The following NDST4 variants were observed in gnomAD, a reference collection of about 807,000 sequenced individuals.
NDST4 encodes the protein N-deacetylase and N-sulfotransferase 4.
In NDST4, 63 loss-of-function variants were observed where a neutral mutation model predicts 100.8. The observed-to-expected ratio is 0.62, with a 90% confidence interval of 0.51 to 0.77. The LOEUF (loss-of-function observed/expected upper bound fraction) is 0.77, where lower values mean the gene tolerates loss of function less well. Among genes scored for constraint, NDST4 ranks in the 30% least tolerant of loss-of-function variants. NDST4 has a pLI of 0.00. For missense variants in NDST4, 943 were observed against 1,018.4 expected (o/e 0.93, Z 1.01); for synonymous variants, 377 against 361.8 (o/e 1.04, Z -0.48).
intron 7 of NDST4, among the ~76,000 whole-genome samples, chr4:114,858,258 C>T (rs1211150071): frequency 6.6e-6 from 1 of 152,196 alleles, no homozygotes; most frequent in African/African-American, 2.4e-5. Context: ...GCATGATTCA[C>T]CTACATCAGG....
chr4:115,050,402 CA>C (rs1728558632), intron 2 of NDST4, among the ~76,000 whole-genome samples: 1 of 141,270 alleles, frequency 7.1e-6, no homozygotes, highest in South Asian at 2.3e-4. Flanking sequence ...GAAAATGAAG[CA>C]TTACACACAC....
At chr4:114,971,089 C>A (rs1353351300) in intron 3 of NDST4, among the ~76,000 whole-genome samples, 2 of 151,804 alleles carry the variant, frequency 1.3e-5, no homozygotes, top group African/African-American at 4.8e-5. Flanking sequence ...TCTTCTAGAG[C>A]TAACCAGTAA....
chr4:115,025,895 T>C (rs1727973452), intron 2 of NDST4, among the ~76,000 whole-genome samples: 1 of 152,154 alleles, frequency 6.6e-6, no homozygotes, highest in Non-Finnish European at 1.5e-5. Flanking sequence ...TGGAATCATT[T>C]CCTTAAGTAA....
chr4:114,877,161 C>T (rs1724272976), intron 6 of NDST4, among the ~76,000 whole-genome samples: 1 of 152,130 alleles, frequency 6.6e-6, no homozygotes, highest in African/African-American at 2.4e-5. Flanking sequence ...TCTCCCAGAA[C>T]TTTGGCTACA....
chr4:114,841,568 T>G (rs1017238695), intron 10 of NDST4, among the ~76,000 whole-genome samples: 5 of 152,178 alleles, frequency 3.3e-5, no homozygotes, highest in Admixed American at 3.3e-4. Flanking sequence ...ACTGGTTTAA[T>G]CTATGTGGAA....
At position 115,008,235 on chromosome 4, in the gene NDST4, G is replaced by T. The variant is rs1311283953; in HGVS notation, c.979-30961C>A. The stretch of plus-strand genomic sequence containing the variant: ...AGTTAATACTGTTATGTGTGAATTT[G>T]ATCCTGTCATTATGATGTTAGCTGG... On this transcript the variant is annotated intron_variant, in intron 2 of 13. Transcript: ENST00000264363. Among the ~76,000 whole-genome samples, 2 of 129,554 alleles carry T rather than the reference G, an allele frequency of 1.5e-5. 1 individual carries two copies. The highest frequency in any genetic ancestry group is 5.9e-5 in the African/African-American group (2 of 34,154). The allele number at this position is 129,554 out of a possible 152,430, so 85.0% of individuals were successfully genotyped here.
chr4:115,096,521 A>AAACACTTAT (rs1484187166), intron 1 of NDST4, among the ~76,000 whole-genome samples: 1 of 152,012 alleles, frequency 6.6e-6, no homozygotes, highest in Non-Finnish European at 1.5e-5. Flanking sequence ...ATAAGCACTC[A>AAACACTTAT]AACACTTATT....
At chr4:114,867,664 G>GGA (rs1491405935) in intron 7 of NDST4, among the ~76,000 whole-genome samples, 1 of 26,084 alleles carries the variant, frequency 3.8e-5, no homozygotes, top group Non-Finnish European at 9.7e-5. Flanking sequence ...AAAAAAAAAA[G>GGA]CAAAAAAAAA....
rs1560591352 is a variant in NDST4 at position 115,076,501 on chromosome 4, C to A, written c.536G>T (p.Gly179Val). Residue 179 changes from glycine (G) to valine (V), a missense_variant, in exon 2 of 14, where the codon GGC (glycine) becomes GTC (valine). By Grantham distance (109) the Gly-to-Val change is moderately radical. Around this residue, in one of 2 missense-constraint regions of NDST4, gnomAD observed 417 missense variants for 384.2 expected, o/e 1.09. Coordinates refer to ENST00000264363, the MANE Select transcript of NDST4 (RefSeq NM_022569.3). ...ENSLPSTQLKGFPLNLFNNLA... is the reference protein window; with the variant it reads ...ENSLPSTQLKVFPLNLFNNLA... ...ATTATTGAAAAGGTTTAACGGAAAG[C>A]CTTTTAATTGTGTACTTGGTAAGCT... 1 of 1,613,926 alleles carries A rather than the reference C, an allele frequency of 6.2e-7. No individual in the cohort carries two copies. Among genetic ancestry groups the A allele is most frequent in the Non-Finnish European group, 8.5e-7 (1 of 1,179,934 alleles).
rs368610216 is a variant in NDST4 at position 115,041,227 on chromosome 4, T to A, written c.978+34832A>T. On this transcript the variant is annotated intron_variant, in intron 2 of 13. Transcript: ENST00000264363. Reference sequence around the variant, plus strand: ...ACTCCCTTTTTTGAAGCAGACTTACTTAAATATTGAAACTGAATCTAATCT... The same window carrying A: ...ACTCCCTTTTTTGAAGCAGACTTACATAAATATTGAAACTGAATCTAATCT... Among the ~76,000 whole-genome samples, 42 of 152,068 alleles carry A rather than the reference T, an allele frequency of 2.8e-4. 4 individuals are homozygous for A. The highest frequency in any genetic ancestry group is 2.1e-3 in the Admixed American group (32 of 15,238).
chr4:115,029,346 T>C (rs2126269012), intron 2 of NDST4, among the ~76,000 whole-genome samples: 1 of 152,152 alleles, frequency 6.6e-6, no homozygotes, highest in African/African-American at 2.4e-5. Context: ...AGAGATGGGA[T>C]TGTGGCACAG....
intron 11 of NDST4, among the ~76,000 whole-genome samples, chr4:114,834,272 G>T (rs528379336): frequency 6.6e-6 from 1 of 152,154 alleles, no homozygotes; most frequent in African/African-American, 2.4e-5. Flanking sequence ...CCAGCACTGT[G>T]TGAGGCTGAG....
chr4:115,071,771 C>A (rs532785998), intron 2 of NDST4, among the ~76,000 whole-genome samples: 47 of 151,858 alleles, frequency 3.1e-4, no homozygotes, highest in African/African-American at 9.9e-4. Context: ...GAATATGAGA[C>A]TGTCAAAACT....
chr4:114,976,235 A>C (rs1350915330), intron 3 of NDST4, among the ~76,000 whole-genome samples: 1 of 152,104 alleles, frequency 6.6e-6, no homozygotes, highest in Non-Finnish European at 1.5e-5. Flanking sequence ...GCATACATGG[A>C]TACAGAATAA....
chr4:114,891,860 T>C (rs1408361013), intron 6 of NDST4, among the ~76,000 whole-genome samples: 1 of 152,132 alleles, frequency 6.6e-6, no homozygotes, highest in Non-Finnish European at 1.5e-5. Context: ...TACAAAAGCA[T>C]TCTATTGCCA....
intron 8 of NDST4, 136 bp from the exon 9 acceptor site, chr4:114,848,474 A>G: frequency 1.5e-6 from 1 of 656,040 alleles, no homozygotes; most frequent in Non-Finnish European, 2.5e-6. Context: ...AAAATCAACT[A>G]GATGCATTCC....
chr4:114,880,095 G>A (rs752168794), intron 6 of NDST4, among the ~76,000 whole-genome samples: 6 of 152,186 alleles, frequency 3.9e-5, no homozygotes, highest in Non-Finnish European at 8.8e-5. Context: ...TAGGGCAGCT[G>A]TTCTAACTGA....
In NDST4 at chr4:115,076,565, T is replaced by C; in HGVS notation, c.472A>G (p.Ser158Gly). The change falls in exon 2 of 14, where the codon AGT becomes GGT. Residue 158 changes from serine (S) to glycine (G), a missense_variant. Coordinates refer to ENST00000264363, the MANE Select transcript of NDST4 (RefSeq NM_022569.3). ...TTATGAAAACCGATTATACTAACAC[T>C]GTATTCCACACAGTATTTTTCTAAA... Reference protein sequence around the residue: ...ELLEKYCVEYSVSIIGFHKAN... With the variant: ...ELLEKYCVEYGVSIIGFHKAN... 1.9e-6 allele frequency: 3 copies of C among 1,613,998 alleles called. No homozygotes were observed. Among genetic ancestry groups the C allele is most frequent in the Non-Finnish European group, 2.5e-6 (3 of 1,179,948 alleles).
chr4:115,109,805 TG>T (rs1729908747), intron 1 of NDST4, among the ~76,000 whole-genome samples: 1 of 151,924 alleles, frequency 6.6e-6, no homozygotes, highest in African/African-American at 2.4e-5. Context: ...TTATTTAGCC[TG>T]TCATGTGTAG....
Sources: allele counts gnomAD v4.1 joint callset (sites outside exome capture counted in the v4.1 genomes callset), GRCh38; gene constraint gnomAD v4.1.1; regional missense constraint gnomAD v4.1.1; transcripts MANE v1.5; gene names NCBI Gene and HGNC (gene_info 2026-07-23, HGNC 2026-07-21).